PRSS12: variants seen among roughly 807,000 people sequenced by gnomAD.
The protein encoded by PRSS12 is serine protease 12.
A neutral mutation model predicts 104.4 loss-of-function variants in PRSS12; 85 were observed. The observed-to-expected ratio is 0.81, with a 90% CI of 0.68 to 0.98. The LOEUF (loss-of-function observed/expected upper bound fraction) is 0.98, where lower values mean the gene tolerates loss of function less well. PRSS12 is among the 50% of genes least tolerant of loss of function. The pLI is 0.00. For synonymous variants in PRSS12, 454 were observed against 425.2 expected, an observed-to-expected ratio of 1.07 and a Z score of -0.83; for missense variants, 1,141 against 1,139.2, an observed-to-expected ratio of 1.00 and a Z score of -0.02.
chr4:118,295,771 C>A lies in PRSS12; in HGVS notation c.1916+7G>T. The A allele has an allele frequency of 4.3e-6, 7 of 1,609,388 alleles. No homozygotes were observed. The highest frequency in any genetic ancestry group is 6.0e-6 in the Non-Finnish European group (7 of 1,175,692). On this transcript the variant is annotated splice_region_variant and intron_variant, in intron 10 of 12. Transcript: ENST00000296498. ...ATATAAAAAATCTCTTTTGGAGGAACATTTACCTTAAAGAATTTTTCCCAC... is the reference window on the plus strand; with the variant it reads ...ATATAAAAAATCTCTTTTGGAGGAAAATTTACCTTAAAGAATTTTTCCCAC...
At chr4:118,307,354 C>A (rs1431498604) in intron 8 of PRSS12, among the ~76,000 whole-genome samples, 1 of 152,046 alleles carries the variant, frequency 6.6e-6, no homozygotes, top group East Asian at 1.9e-4. Flanking sequence ...TTTATTAAAA[C>A]AGAAATGCTT....
intron 11 of PRSS12, among the ~76,000 whole-genome samples, 178 bp downstream of exon 11, chr4:118,294,760 TG>T (rs1743214655): frequency 6.6e-6 from 1 of 152,192 alleles, no homozygotes; most frequent in Non-Finnish European, 1.5e-5. Flanking sequence ...GGGTAGCAAG[TG>T]GCCTTCTAAG....
chr4:118,323,414 G>C (rs705840), intron 4 of PRSS12, among the ~76,000 whole-genome samples: 151,724 of 151,726 alleles, frequency 1, 75,861 homozygotes, highest in Non-Finnish European at 1. Context: ...TGATCCCAAA[G>C]TGATAACAAA....
intron 1 of PRSS12, 80 bp downstream of exon 1, chr4:118,352,139 A>G: frequency 6.4e-7 from 1 of 1,572,854 alleles, no homozygotes; most frequent in African/African-American, 1.3e-5. Context: ...CACTTTTTCC[A>G]AGAGACCTGT....
At chr4:118,340,532 T>C (rs1724174359) in intron 1 of PRSS12, among the ~76,000 whole-genome samples, 1 of 152,200 alleles carries the variant, frequency 6.6e-6, no homozygotes, top group East Asian at 1.9e-4. Flanking sequence ...AGTATTTATA[T>C]CATTCTATAA....
intron 1 of PRSS12, among the ~76,000 whole-genome samples, chr4:118,339,320 A>G (rs1724140704): frequency 6.6e-6 from 1 of 152,200 alleles, no homozygotes; most frequent in Admixed American, 6.6e-5. Context: ...AATTTAAAAA[A>G]TCAATCCTAC....
At chr4:118,344,309 A>G (rs978797834) in intron 1 of PRSS12, among the ~76,000 whole-genome samples, 1 of 152,214 alleles carries the variant, frequency 6.6e-6, no homozygotes, top group African/African-American at 2.4e-5. Context: ...TTAAAAAATT[A>G]CAGTACCTGA....
intron 11 of PRSS12, among the ~76,000 whole-genome samples, chr4:118,285,672 A>AG (rs1742997147): frequency 6.6e-6 from 1 of 152,154 alleles, no homozygotes; most frequent in South Asian, 2.1e-4. Context: ...TGAAAAAAAA[A>AG]CTAAAATATT....
chr4:118,313,166 A>C, intron 7 of PRSS12, 35 bp downstream of exon 7: 2 of 1,608,976 alleles, frequency 1.2e-6, no homozygotes, highest in Non-Finnish European at 1.7e-6. Context: ...TGGCTACTGA[A>C]TGATGGAAAC....
intron 8 of PRSS12, among the ~76,000 whole-genome samples, chr4:118,299,789 TAAAATAAATAAAATAAAATAAATAAAATA>T (rs1743359192): frequency 1.1e-5 from 1 of 90,336 alleles, no homozygotes; most frequent in Non-Finnish European, 2.5e-5. Flanking sequence ...TAAAATAAAA[TAAAATAAATAAAATAAAATAAATAAAATA>T]AAATAAAATA....
intron 4 of PRSS12, among the ~76,000 whole-genome samples, chr4:118,327,366 G>T (rs963777765): frequency 6.6e-6 from 1 of 151,868 alleles, no homozygotes; most frequent in African/African-American, 2.4e-5. Flanking sequence ...TGCCAAGGCT[G>T]GTTTGGAACT....
At chr4:118,304,569 A>T (rs1344514720) in intron 8 of PRSS12, among the ~76,000 whole-genome samples, 2 of 151,930 alleles carry the variant, frequency 1.3e-5, no homozygotes, top group African/African-American at 4.8e-5. Flanking sequence ...GCTAACAAAC[A>T]TGTTCAAAAA....
At chr4:118,345,396 A>G (rs9998314) in intron 1 of PRSS12, among the ~76,000 whole-genome samples, 21 of 152,154 alleles carry the variant, frequency 1.4e-4, no homozygotes, top group African/African-American at 5.1e-4. Flanking sequence ...GCAAAAATAA[A>G]CACTTCTTTA....
chr4:118,326,235 A>G lies in PRSS12; in HGVS notation c.971+5481T>C, dbSNP rs1723766774. Among the ~76,000 whole-genome samples, 3 of 152,176 alleles carry G rather than the reference A, an allele frequency of 2.0e-5. 1 individual carries two copies. Among genetic ancestry groups the G allele is most frequent in the African/African-American group, 7.2e-5 (3 of 41,446 alleles). On this transcript the variant is annotated intron_variant, in intron 4 of 12. Coordinates refer to ENST00000296498, the MANE Select transcript of PRSS12 (RefSeq NM_003619.4). The stretch of plus-strand genomic sequence containing the variant: ...ACAGAGTTTGTAATCCATGGATGAA[A>G]AAACTCATTTTTAATATCCTAGATT...
intron 3 of PRSS12, among the ~76,000 whole-genome samples, chr4:118,333,680 T>C (rs746772470): frequency 2.6e-5 from 4 of 152,208 alleles, no homozygotes; most frequent in Non-Finnish European, 5.9e-5. Context: ...AAAACAAAAA[T>C]TTTTAAGAGA....
chr4:118,343,463 AAAAG>A (rs1162165709), intron 1 of PRSS12, among the ~76,000 whole-genome samples: 1 of 152,206 alleles, frequency 6.6e-6, no homozygotes, highest in East Asian at 1.9e-4. Flanking sequence ...AAGGAAACCT[AAAAG>A]AAATAGGAGA....
chr4:118,313,001 G>A (rs1393876088), intron 7 of PRSS12, 200 bp downstream of exon 7: 4 of 615,864 alleles, frequency 6.5e-6, no homozygotes, highest in Non-Finnish European at 1.1e-5. Flanking sequence ...AAACAATTTA[G>A]GGGTAGAAAT....
At chr4:118,316,985 G>A (rs1281337634) in intron 5 of PRSS12, among the ~76,000 whole-genome samples, 1 of 151,194 alleles carries the variant, frequency 6.6e-6, no homozygotes, top group African/African-American at 2.4e-5. Context: ...TTAGTCTCAA[G>A]TCAGAGCAAT....
intron 7 of PRSS12, among the ~76,000 whole-genome samples, chr4:118,309,109 A>C (rs1175137858): frequency 6.6e-6 from 1 of 152,152 alleles, no homozygotes; most frequent in Non-Finnish European, 1.5e-5. Flanking sequence ...AAAGAAAAAA[A>C]AAAGCAGTAA....
Sources: allele counts gnomAD v4.1 joint callset (sites outside exome capture counted in the v4.1 genomes callset), GRCh38; gene constraint gnomAD v4.1.1; transcripts MANE v1.5; gene names NCBI Gene and HGNC (gene_info 2026-07-23, HGNC 2026-07-21).